XKR6: variants seen among roughly 807,000 people sequenced by gnomAD.
XKR6 encodes the protein XK related 6, also known as XK-related protein 6.
In XKR6, 22 loss-of-function variants were observed where a neutral mutation model predicts 56.7. That is an observed-to-expected ratio of 0.39 (90% CI 0.28 to 0.55). XKR6 has a LOEUF of 0.55. XKR6 is among the 20% of genes least tolerant of loss of function. XKR6 has a pLI of 0.66. For synonymous variants in XKR6, 524 were observed against 387.8 expected (o/e 1.35, Z -4.13); for missense variants, 852 against 889.0 (o/e 0.96, Z 0.53).
intron 1 of XKR6, among the ~76,000 whole-genome samples, chr8:11,062,087 C>G (rs1799849563): frequency 6.6e-6 from 1 of 152,202 alleles, no homozygotes; most frequent in African/African-American, 2.4e-5. Context: ...AACCAGGATG[C>G]TCAGAGAAAC....
At chr8:11,006,063 C>T (rs908820283) in intron 1 of XKR6, among the ~76,000 whole-genome samples, 9 of 151,968 alleles carry the variant, frequency 5.9e-5, no homozygotes, top group Admixed American at 1.3e-4. Flanking sequence ...AGGCTGGTCT[C>T]GAACTCCTGA....
chr8:11,080,804 C>T (rs1034798601), intron 1 of XKR6, among the ~76,000 whole-genome samples: 3 of 152,234 alleles, frequency 2.0e-5, no homozygotes, highest in Non-Finnish European at 4.4e-5. Flanking sequence ...TGGGTCTGGC[C>T]ACTCTGTGGC....
intron 1 of XKR6, among the ~76,000 whole-genome samples, chr8:10,964,429 C>T (rs1802156728): frequency 6.6e-6 from 1 of 152,134 alleles, no homozygotes; most frequent in East Asian, 1.9e-4. Flanking sequence ...AGTGACGTTC[C>T]TCAGTGGCAG....
chr8:11,077,753 A>AGCTTGCCACTG (rs1454647328), intron 1 of XKR6, among the ~76,000 whole-genome samples: 26 of 152,164 alleles, frequency 1.7e-4, no homozygotes, highest in Non-Finnish European at 1.5e-5. Flanking sequence ...AGCTGCAAGA[A>AGCTTGCCACTG]TGCATCTGGG....
chr8:10,901,670 T>G (rs1337770181), intron 2 of XKR6, among the ~76,000 whole-genome samples: 1 of 152,136 alleles, frequency 6.6e-6, no homozygotes, highest in South Asian at 2.1e-4. Flanking sequence ...GAAGAAGGCT[T>G]GATTGTTGTG....
intron 1 of XKR6, among the ~76,000 whole-genome samples, chr8:10,973,232 AT>A (rs1490997356): frequency 4.6e-5 from 7 of 152,220 alleles, no homozygotes; most frequent in African/African-American, 1.7e-4. Flanking sequence ...CCCATCACTA[AT>A]GGGTCATATA....
chr8:11,069,334 C>T (rs562019830), intron 1 of XKR6, among the ~76,000 whole-genome samples: 2 of 152,156 alleles, frequency 1.3e-5, no homozygotes, highest in Non-Finnish European at 2.9e-5. Flanking sequence ...GCAGAAGCAG[C>T]CCCCCTGGTC....
At chr8:11,069,335 C>G (rs1800059551) in intron 1 of XKR6, among the ~76,000 whole-genome samples, 1 of 152,130 alleles carries the variant, frequency 6.6e-6, no homozygotes, top group Admixed American at 6.5e-5. Flanking sequence ...CAGAAGCAGC[C>G]CCCCTGGTCC....
intron 1 of XKR6, among the ~76,000 whole-genome samples, chr8:10,949,131 G>C (rs549536945): frequency 6.6e-6 from 1 of 152,244 alleles, no homozygotes; most frequent in African/African-American, 2.4e-5. Context: ...GGCTGGAGGA[G>C]CCTGGGCCCC....
chr8:11,127,341 A>G (rs1429916676), intron 1 of XKR6, among the ~76,000 whole-genome samples: 1 of 152,228 alleles, frequency 6.6e-6, no homozygotes, highest in African/African-American at 2.4e-5. Flanking sequence ...ACTTCACCAC[A>G]TAATAAGTTA....
chr8:11,074,447 G>A (rs1481336754), intron 1 of XKR6, among the ~76,000 whole-genome samples: 12 of 152,208 alleles, frequency 7.9e-5, no homozygotes, highest in South Asian at 6.2e-4. Context: ...CTGGCCTCAT[G>A]TTTCATTCAT....
intron 1 of XKR6, among the ~76,000 whole-genome samples, chr8:10,951,760 G>T (rs972221233): frequency 6.6e-6 from 1 of 152,234 alleles, no homozygotes; most frequent in African/African-American, 2.4e-5. Flanking sequence ...AGCCACCCCA[G>T]CTGCATGTCA....
intron 1 of XKR6, among the ~76,000 whole-genome samples, chr8:11,061,594 C>T (rs543804681): frequency 9.8e-5 from 15 of 152,290 alleles, no homozygotes; most frequent in East Asian, 5.8e-4. Flanking sequence ...CATGCACATC[C>T]GTTCATTCAT....
At chr8:10,962,150 C>T (rs1197566932) in intron 1 of XKR6, among the ~76,000 whole-genome samples, 1 of 152,214 alleles carries the variant, frequency 6.6e-6, no homozygotes, top group Non-Finnish European at 1.5e-5. Flanking sequence ...CCTAGAAGCA[C>T]ACAGGGGACT....
chr8:11,177,770 C>G (rs1040455803), intron 1 of XKR6, among the ~76,000 whole-genome samples: 1 of 152,252 alleles, frequency 6.6e-6, no homozygotes, highest in Non-Finnish European at 1.5e-5. Flanking sequence ...CTCAGAATCT[C>G]AGGGGAGCAG....
chr8:10,968,607 C>T (rs1586369281), intron 1 of XKR6, among the ~76,000 whole-genome samples: 1 of 152,258 alleles, frequency 6.6e-6, no homozygotes, highest in Admixed American at 6.5e-5. Context: ...TGTTTGCCCA[C>T]ACTCTGCCCA....
chr8:11,085,533 C>A (rs1446473173), intron 1 of XKR6, among the ~76,000 whole-genome samples: 1 of 152,118 alleles, frequency 6.6e-6, no homozygotes, highest in Admixed American at 6.5e-5. Flanking sequence ...ATACCAATCT[C>A]CTAAGTGATC....
chr8:11,020,913 T>C (rs1798735520), intron 1 of XKR6, among the ~76,000 whole-genome samples: 1 of 152,160 alleles, frequency 6.6e-6, no homozygotes, highest in South Asian at 2.1e-4. Context: ...AGAGTCAGTA[T>C]ATGTGAATTG....
chr8:10,913,580 C>A (rs959297124), intron 2 of XKR6, among the ~76,000 whole-genome samples: 3 of 152,226 alleles, frequency 2.0e-5, no homozygotes, highest in Non-Finnish European at 4.4e-5. Context: ...CCTCCTAACA[C>A]CCCTCTGCGA....
Sources: gnomAD v4.1 joint callset for allele counts (sites outside exome capture counted in the v4.1 genomes callset) on GRCh38, gnomAD v4.1.1 for gene constraint, MANE v1.5 for transcripts, NCBI Gene and HGNC (gene_info 2026-07-23, HGNC 2026-07-21) for gene names.